The following ERBB4 variants were observed in gnomAD, a reference collection of about 807,000 sequenced individuals.
ERBB4 encodes erb-b2 receptor tyrosine kinase 4, also known as receptor tyrosine-protein kinase erbB-4.
Under a neutral mutation model 158.0 loss-of-function variants are expected in ERBB4, and 42 were observed. The ratio of observed to expected loss-of-function variants is 0.27; its 90% CI spans 0.21 to 0.34. The LOEUF (loss-of-function observed/expected upper bound fraction) is 0.34. ERBB4 is among the 10% of genes least tolerant of loss of function. The pLI, the probability that ERBB4 is intolerant of heterozygous loss-of-function variation, is 1.00. For synonymous variants in ERBB4, 583 were observed against 558.7 expected (o/e 1.04, Z -0.61); for missense variants, 1,333 against 1,624.1 (o/e 0.82, Z 3.08).
intron 18 of ERBB4, among the ~76,000 whole-genome samples, chr2:211,621,178 C>G (rs1344495994): frequency 1.3e-5 from 2 of 151,488 alleles, no homozygotes; most frequent in African/African-American, 4.8e-5. Context: ...TTTTATACTT[C>G]TTTTTAAAAT....
intron 1 of ERBB4, among the ~76,000 whole-genome samples, chr2:212,438,451 T>G (rs891439625): frequency 6.7e-6 from 1 of 150,140 alleles, no homozygotes; most frequent in Admixed American, 6.6e-5. Flanking sequence ...TAAAGCATAA[T>G]GCTGTGTGTG....
intron 1 of ERBB4, among the ~76,000 whole-genome samples, chr2:212,203,520 G>A (rs1261687387): frequency 6.6e-6 from 1 of 152,190 alleles, no homozygotes; most frequent in African/African-American, 2.4e-5. Context: ...AGATGGGAAG[G>A]CACTGGGAAA....
chr2:211,724,233 T>C (rs967408451), intron 6 of ERBB4, among the ~76,000 whole-genome samples: 3 of 152,178 alleles, frequency 2.0e-5, no homozygotes, highest in Non-Finnish European at 4.4e-5. Flanking sequence ...TGTTTCACTA[T>C]AGAATGAGTA....
rs1446703844 is a variant in ERBB4, at chr2:211,376,995, A to G, written c.*6620T>C. On this transcript the variant is annotated 3_prime_UTR_variant, in exon 28 of 28. Transcript: ENST00000342788. ...GTACCAGTTTATGCTACATATTTCA[A>G]AGTACCTTACTTTAAAAGAACACCT... The G allele has an allele frequency of 4.3e-6, 1 of 233,026 alleles. No individual in the cohort carries two copies. Among genetic ancestry groups the G allele is most frequent in the Non-Finnish European group, 8.5e-6 (1 of 117,694 alleles). 14.4% of individuals were successfully genotyped at this position (233,026 alleles called of 1,614,324 possible).
At chr2:212,461,932 G>A (rs1302873656) in intron 1 of ERBB4, among the ~76,000 whole-genome samples, 2 of 152,146 alleles carry the variant, frequency 1.3e-5, no homozygotes, top group African/African-American at 2.4e-5. Context: ...CATGTAAGAC[G>A]TGACTTGCTC....
intron 2 of ERBB4, among the ~76,000 whole-genome samples, chr2:212,078,300 G>C (rs954197511): frequency 6.6e-6 from 1 of 151,604 alleles, no homozygotes; most frequent in Admixed American, 6.6e-5. Flanking sequence ...TTCACTTTTA[G>C]TTTCTTTTAG....
At chr2:211,462,065 T>C (rs531658135) in intron 20 of ERBB4, among the ~76,000 whole-genome samples, 1 of 152,160 alleles carries the variant, frequency 6.6e-6, no homozygotes, top group East Asian at 1.9e-4. Context: ...AGAGGTTTAA[T>C]TGACTCATGG....
At chr2:212,396,112 A>G (rs2091018802) in intron 1 of ERBB4, among the ~76,000 whole-genome samples, 1 of 152,210 alleles carries the variant, frequency 6.6e-6, no homozygotes, top group Non-Finnish European at 1.5e-5. Flanking sequence ...GTGCTCAAAT[A>G]GAAACAGTTG....
intron 2 of ERBB4, among the ~76,000 whole-genome samples, chr2:212,026,650 A>T (rs887782904): frequency 6.6e-6 from 1 of 151,898 alleles, no homozygotes; most frequent in African/African-American, 2.4e-5. Flanking sequence ...TTCAAAATGG[A>T]ATATGAATCT....
chr2:211,638,780 C>G (rs886477848), intron 16 of ERBB4, among the ~76,000 whole-genome samples: 7 of 152,058 alleles, frequency 4.6e-5, no homozygotes, highest in Admixed American at 2.0e-4. Flanking sequence ...ATAATCTGAT[C>G]CTTTTATATC....
intron 1 of ERBB4, among the ~76,000 whole-genome samples, chr2:212,206,458 G>A (rs1002189741): frequency 1.3e-5 from 2 of 151,770 alleles, no homozygotes; most frequent in African/African-American, 2.4e-5. Context: ...TGTATTTCAC[G>A]GTGAGCCTTT....
intron 3 of ERBB4, among the ~76,000 whole-genome samples, chr2:211,937,242 A>C (rs1266307384): frequency 6.6e-6 from 1 of 151,888 alleles, no homozygotes; most frequent in Non-Finnish European, 1.5e-5. Context: ...ATTTGTTGAA[A>C]TATGGCAGAT....
chr2:211,939,493 A>G (rs531498183), intron 3 of ERBB4, among the ~76,000 whole-genome samples: 1 of 152,184 alleles, frequency 6.6e-6, no homozygotes, highest in East Asian at 1.9e-4. Context: ...GCTGGAAGAG[A>G]ACAACATGTA....
intron 3 of ERBB4, among the ~76,000 whole-genome samples, chr2:211,924,145 A>G (rs760827588): frequency 3.9e-5 from 6 of 152,178 alleles, no homozygotes; most frequent in Non-Finnish European, 7.4e-5. Flanking sequence ...ACTTGTCCCT[A>G]TTAGTCCTCT....
At chr2:212,181,075 A>T (rs1380934514) in intron 1 of ERBB4, among the ~76,000 whole-genome samples, 1 of 151,638 alleles carries the variant, frequency 6.6e-6, no homozygotes, top group East Asian at 1.9e-4. Context: ...GAGACCCCAG[A>T]TGGTTAAACA....
chr2:211,528,715 T>C (rs2066416196), intron 20 of ERBB4, among the ~76,000 whole-genome samples: 1 of 151,986 alleles, frequency 6.6e-6, no homozygotes, highest in Non-Finnish European at 1.5e-5. Context: ...TTTTTGAAAT[T>C]ATACAAACAC....
intron 3 of ERBB4, among the ~76,000 whole-genome samples, chr2:211,827,963 G>A (rs1355109251): frequency 6.6e-6 from 1 of 152,068 alleles, no homozygotes; most frequent in Non-Finnish European, 1.5e-5. Flanking sequence ...AGGAAACAGA[G>A]GCAAAAAAGC....
At chr2:212,264,901 A>T (rs1221615708) in intron 1 of ERBB4, among the ~76,000 whole-genome samples, 1 of 152,120 alleles carries the variant, frequency 6.6e-6, no homozygotes, top group Non-Finnish European at 1.5e-5. Context: ...TAAACTCTGG[A>T]TAGCTACTGG....
intron 7 of ERBB4, among the ~76,000 whole-genome samples, chr2:211,719,345 A>T (rs960401315): frequency 6.6e-6 from 1 of 152,066 alleles, no homozygotes; most frequent in African/African-American, 2.4e-5. Context: ...CTGAAGGATT[A>T]TTTTTTTCTC....
Sources: allele counts gnomAD v4.1 joint callset (sites outside exome capture counted in the v4.1 genomes callset), GRCh38; gene constraint gnomAD v4.1.1; transcripts MANE v1.5; gene names NCBI Gene and HGNC (gene_info 2026-07-23, HGNC 2026-07-21).